The following HIVEP3 variants were observed in gnomAD, a reference collection of about 807,000 sequenced individuals.
The protein encoded by HIVEP3 is transcription factor HIVEP3.
HIVEP3 carries 49 observed loss-of-function variants against 152.8 expected under a neutral mutation model. The ratio of observed to expected loss-of-function variants is 0.32; its 90% CI spans 0.26 to 0.41. HIVEP3 has a LOEUF of 0.41. Among genes scored for constraint, HIVEP3 ranks in the 10% least tolerant of loss-of-function variants. The pLI, the probability that HIVEP3 is intolerant of heterozygous loss-of-function variation, is 1.00. For synonymous variants in HIVEP3, 1,269 were observed against 1,289.0 expected, an observed-to-expected ratio of 0.98 and a Z score of 0.33; for missense variants, 2,790 against 3,103.3, an observed-to-expected ratio of 0.90 and a Z score of 2.40.
intron 2 of HIVEP3, among the ~76,000 whole-genome samples, chr1:41,638,670 C>A (rs1645325077): frequency 6.6e-6 from 1 of 152,188 alleles, no homozygotes; most frequent in South Asian, 2.1e-4. Context: ...GGCACCCACC[C>A]AGGGCAGGAA....
At chr1:41,544,817 CTCTACCACCACCATCACCACCACCACT>C (rs1558046074) in intron 5 of HIVEP3, among the ~76,000 whole-genome samples, 18 of 117,908 alleles carry the variant, frequency 1.5e-4, no homozygotes, top group Non-Finnish European at 2.6e-4. Flanking sequence ...CCACTACCAC[CTCTACCACCACCATCACCACCACCACT>C]ACCACCACCA....
chr1:41,745,188 T>C (rs566191946), intron 1 of HIVEP3, among the ~76,000 whole-genome samples: 192 of 152,304 alleles, frequency 1.3e-3, no homozygotes, highest in African/African-American at 4.6e-3. Context: ...ACATTTCCCC[T>C]TTCTCTAACC....
rs185714272 is a variant in HIVEP3, at chr1:41,703,580, T to C, written c.-800-2585A>G. ...TGAGGATTAAGTGATCCAATCCGTG[T>C]ACAATCCCTAGAACAGTACCTGGTG... On this transcript the variant is annotated intron_variant, in intron 1 of 8. Transcript: ENST00000372583. Among the ~76,000 whole-genome samples the C allele has an allele frequency of 1.1e-4, 17 of 152,362 alleles. No individual in the cohort carries two copies. The East Asian group carries it at 3.1e-3, about 28-fold the overall frequency.
rs1642671315 is a variant in HIVEP3 at position 41,518,487 on chromosome 1, C to T, written c.5385G>A (p.Gly1795=). Residue 1795 remains glycine (G), a splice_region_variant and synonymous_variant, in exon 7 of 9, where the codon GGG becomes GGA. Transcript: ENST00000372583. ...KHCHFAFKTK[G]NLTKHMKSKA... ...TCGACTTCATGTGCTTAGTCAGATT[C>T]CCTAGAAAGAAACGAGAATACTTAG... 2 of 1,613,472 alleles carry T rather than the reference C, an allele frequency of 1.2e-6. No homozygotes were observed. Among genetic ancestry groups the T allele is most frequent in the African/African-American group, 1.3e-5 (1 of 75,058 alleles).
intron 3 of HIVEP3, among the ~76,000 whole-genome samples, chr1:41,609,026 G>C (rs1644861206): frequency 6.6e-6 from 1 of 151,762 alleles, no homozygotes; most frequent in Admixed American, 6.6e-5. Context: ...GGAGGTTGCA[G>C]TGAGCCTGGG....
intron 1 of HIVEP3, among the ~76,000 whole-genome samples, chr1:41,720,476 C>G (rs1178677758): frequency 1.3e-5 from 2 of 152,212 alleles, no homozygotes; most frequent in East Asian, 3.8e-4. Context: ...TCTACCTTTT[C>G]AAAGCCTATT....
intron 1 of HIVEP3, among the ~76,000 whole-genome samples, chr1:41,991,217 G>C (rs997714933): frequency 1.3e-5 from 2 of 152,128 alleles, no homozygotes; most frequent in Non-Finnish European, 2.9e-5. Flanking sequence ...CCAGGAGCTG[G>C]TTTTTTGAAA....
At chr1:41,805,607 G>A (rs1322380655) in intron 1 of HIVEP3, among the ~76,000 whole-genome samples, 4 of 152,216 alleles carry the variant, frequency 2.6e-5, no homozygotes, top group Non-Finnish European at 2.9e-5. Flanking sequence ...CAGTGAGGAC[G>A]AAGCTGGCAC....
At chr1:41,599,381 G>A (rs899465423) in intron 3 of HIVEP3, among the ~76,000 whole-genome samples, 13 of 152,270 alleles carry the variant, frequency 8.5e-5, no homozygotes, top group Non-Finnish European at 1.5e-4. Context: ...TGACAAACGC[G>A]TAATCACATA....
chr1:41,609,071 A>C (rs543124712), intron 3 of HIVEP3, among the ~76,000 whole-genome samples: 1 of 152,210 alleles, frequency 6.6e-6, no homozygotes, highest in South Asian at 2.1e-4. Flanking sequence ...ATAAAAAAAA[A>C]AAACGGTTTT....
intron 1 of HIVEP3, among the ~76,000 whole-genome samples, chr1:41,826,590 C>T (rs1001519094): frequency 8.5e-5 from 13 of 152,142 alleles, no homozygotes; most frequent in African/African-American, 1.7e-4. Context: ...AGACAGGGCA[C>T]GGCTTAGGAG....
chr1:41,944,108 G>T (rs943758787), intron 1 of HIVEP3, among the ~76,000 whole-genome samples: 1 of 152,198 alleles, frequency 6.6e-6, no homozygotes, highest in South Asian at 2.1e-4. Flanking sequence ...TGGTTGCCAG[G>T]GACTGGGCAG....
chr1:41,560,149 A>G (rs1416929193), intron 5 of HIVEP3, among the ~76,000 whole-genome samples: 2 of 152,220 alleles, frequency 1.3e-5, no homozygotes, highest in Non-Finnish European at 2.9e-5. Context: ...AAAGAGGTCA[A>G]CTTTCTACAT....
At chr1:41,589,288 C>T (rs1045982805) in intron 3 of HIVEP3, among the ~76,000 whole-genome samples, 4 of 152,224 alleles carry the variant, frequency 2.6e-5, no homozygotes, top group African/African-American at 9.6e-5. Context: ...TGAGAGCTCT[C>T]GCTCAGAGAC....
chr1:41,926,462 G>A (rs1644968643), intron 1 of HIVEP3, among the ~76,000 whole-genome samples: 1 of 152,054 alleles, frequency 6.6e-6, no homozygotes, highest in African/African-American at 2.4e-5. Flanking sequence ...CTTTATTTGT[G>A]GCACTCAAGC....
chr1:41,957,889 G>A (rs16828929), intron 1 of HIVEP3, among the ~76,000 whole-genome samples: 2,805 of 152,256 alleles, frequency 0.018, 70 homozygotes, highest in African/African-American at 0.063. Context: ...TCTACATCTG[G>A]CATTTCAAGG....
chr1:41,612,465 T>G (rs530851375), intron 3 of HIVEP3, among the ~76,000 whole-genome samples: 2 of 152,288 alleles, frequency 1.3e-5, no homozygotes, highest in African/African-American at 4.8e-5. Flanking sequence ...ACACAATGTC[T>G]AACATACTTC....
chr1:41,913,297 C>T (rs1183666884), intron 1 of HIVEP3, among the ~76,000 whole-genome samples: 1 of 152,336 alleles, frequency 6.6e-6, no homozygotes. Context: ...GATGTATCCA[C>T]TGAAAATGTC....
intron 1 of HIVEP3, among the ~76,000 whole-genome samples, chr1:41,709,826 A>T (rs980043330): frequency 2.6e-5 from 4 of 152,170 alleles, no homozygotes; most frequent in African/African-American, 9.7e-5. Context: ...CCAGATGCAG[A>T]GTTCAGGGCA....
Sources: gnomAD v4.1 joint callset for allele counts (sites outside exome capture counted in the v4.1 genomes callset) on GRCh38, gnomAD v4.1.1 for gene constraint, MANE v1.5 for transcripts, NCBI Gene and HGNC (gene_info 2026-07-23, HGNC 2026-07-21) for gene names.